Variants in ATRX observed in about 807,000 individuals in gnomAD.
ATRX encodes ATRX chromatin remodeler.
Under a neutral mutation model 172.6 loss-of-function variants are expected in ATRX, and 12 were observed. That is an observed-to-expected ratio of 0.07 (90% CI 0.04 to 0.11). The LOEUF (loss-of-function observed/expected upper bound fraction) is 0.11. Among genes scored for constraint, ATRX ranks in the 10% least tolerant of loss-of-function variants. The probability of loss-of-function intolerance (pLI) is 1.00; values close to 1 mark genes in which losing one functional copy is unlikely to be tolerated. For missense variants in ATRX, 1,368 were observed against 1,767.4 expected, an observed-to-expected ratio of 0.77 and a Z score of 4.05; for synonymous variants, 674 against 594.7, an observed-to-expected ratio of 1.13 and a Z score of -1.94.
intron 30 of ATRX, among the ~76,000 whole-genome samples, chrX:77,527,439 G>A (rs1022109967): frequency 8.9e-6 from 1 of 112,003 alleles, no homozygotes; most frequent in Admixed American, 9.4e-5. Flanking sequence ...TGTGCAACCC[G>A]CTCAGGAAGC....
chrX:77,597,428 T>G, intron 25 of ATRX, among the ~76,000 whole-genome samples: 2 of 108,804 alleles, frequency 1.8e-5, no homozygotes, highest in Middle Eastern at 9.4e-3. Context: ...AAAGAGCTTC[T>G]GCACAGCAAA....
At chrX:77,721,668 G>C (rs1356315326) in intron 1 of ATRX, among the ~76,000 whole-genome samples, 2 of 111,649 alleles carry the variant, frequency 1.8e-5, no homozygotes, top group African/African-American at 6.5e-5. Flanking sequence ...AAGGAAATAA[G>C]AGAGGACTCA....
chrX:77,523,180 A>AC, intron 31 of ATRX, 72 bp downstream of exon 31: 2 of 1,127,549 alleles, frequency 1.8e-6, no homozygotes, highest in Non-Finnish European at 1.2e-6. Context: ...TTCAAATGTG[A>AC]CCCTTTTCTT....
rs2148260096 is a variant in ATRX, at chrX:77,618,926, G to A, written c.5328C>T (p.Phe1776=). The A allele has an allele frequency of 8.4e-7, 1 of 1,188,681 alleles. No homozygotes were observed. Among genetic ancestry groups the A allele is most frequent in the Non-Finnish European group, 1.1e-6 (1 of 875,190 alleles). The change falls in exon 21 of 35, where the codon TTC becomes TTT. Residue 1776 remains phenylalanine, a synonymous_variant. Coordinates refer to ENST00000373344, the MANE Select transcript of ATRX (RefSeq NM_000489.6). ...KENLLGSIKE[F]RNRFINPIQN... is the part of the protein sequence containing the mutation. ...GAATTGGATTTATAAATCTATTCCT[G>A]AACTCCTTAATGGATCCAAGTAAAT... is the stretch of plus-strand genomic sequence containing the variant.
intron 15 of ATRX, among the ~76,000 whole-genome samples, chrX:77,638,505 G>A (rs1453879766): frequency 2.7e-5 from 3 of 112,138 alleles, no homozygotes; most frequent in African/African-American, 9.7e-5. Context: ...CTTAAGGCCA[G>A]TTTTGTTTCA....
At chrX:77,648,420 G>C (rs1405862735) in intron 15 of ATRX, among the ~76,000 whole-genome samples, 5 of 111,091 alleles carry the variant, frequency 4.5e-5, no homozygotes, top group Admixed American at 2.9e-4. Flanking sequence ...GTAAGATGCA[G>C]TGTTTAAACA....
At chrX:77,626,911 T>A (rs1330679591) in intron 19 of ATRX, among the ~76,000 whole-genome samples, 1 of 112,004 alleles carries the variant, frequency 8.9e-6, no homozygotes. Context: ...AGTACGGATA[T>A]CTGAAGAACT....
intron 30 of ATRX, among the ~76,000 whole-genome samples, chrX:77,549,179 G>C (rs2064364056): frequency 9.0e-6 from 1 of 111,499 alleles, no homozygotes; most frequent in Non-Finnish European, 1.9e-5. Flanking sequence ...GAGGCCAGGA[G>C]TTCGAGACCA....
At chrX:77,722,680 G>C (rs2073835511) in intron 1 of ATRX, among the ~76,000 whole-genome samples, 1 of 111,876 alleles carries the variant, frequency 8.9e-6, no homozygotes, top group African/African-American at 3.3e-5. Context: ...ACATTAAAAA[G>C]TCAGGGAACA....
At chrX:77,631,808 T>C (rs1233167222) in intron 19 of ATRX, among the ~76,000 whole-genome samples, 1 of 111,366 alleles carries the variant, frequency 9.0e-6, no homozygotes, top group Non-Finnish European at 1.9e-5. Flanking sequence ...GAAAAACTGG[T>C]GCAATACAAA....
intron 2 of ATRX, among the ~76,000 whole-genome samples, chrX:77,715,513 T>C (rs1557164141): frequency 8.9e-6 from 1 of 112,537 alleles, no homozygotes; most frequent in East Asian, 2.8e-4. Context: ...CACTTTTCTT[T>C]GACATTTTAA....
intron 15 of ATRX, among the ~76,000 whole-genome samples, chrX:77,650,880 G>A (rs955882332): frequency 2.7e-5 from 3 of 111,820 alleles, no homozygotes; most frequent in African/African-American, 9.7e-5. Context: ...GAGCCACCGC[G>A]CCAGGCCCAT....
chrX:77,618,164 G>A (rs1361792815), intron 21 of ATRX, among the ~76,000 whole-genome samples: 1 of 112,079 alleles, frequency 8.9e-6, no homozygotes, highest in Non-Finnish European at 1.9e-5. Flanking sequence ...CAAAAGAATA[G>A]CCTGTCTCAT....
chrX:77,748,643 G>A (rs1557186177), intron 1 of ATRX, among the ~76,000 whole-genome samples: 1 of 109,049 alleles, frequency 9.2e-6, no homozygotes, highest in Non-Finnish European at 1.9e-5. Flanking sequence ...CTGGAGTGCA[G>A]TGGTGTGATC....
rs374596800 is a variant in ATRX, at chrX:77,524,896, C to T, written c.6700-1495G>A. Among the ~76,000 whole-genome samples the T allele has an allele frequency of 4.6e-4, 50 of 109,719 alleles. 2 individuals carry two copies. In the South Asian group the frequency reaches 0.018, roughly 40 times the overall value. ...GAGTAGCTAGGACTACAGGTGCATA[C>T]CACTGTACCTGGCTAATTTTAAAAA... On this transcript the variant is annotated intron_variant, in intron 30 of 34. Coordinates refer to ENST00000373344, the MANE Select transcript of ATRX (RefSeq NM_000489.6).
At position 77,599,535 on chromosome X, in the gene ATRX, A is replaced by T. The variant is rs2066591709; in HGVS notation, c.5832T>A (p.Ser1944Arg). Residue 1944 changes from serine to arginine, a missense_variant, in exon 25 of 35, where the codon AGT becomes AGA. This residue lies in a region of ATRX where 45 missense variants were observed against 120.2 expected (regional missense o/e 0.37). Transcript: ENST00000373344. ...GKKGKKDSSSSGSGSDNDVEV... is the reference protein window; with the variant it reads ...GKKGKKDSSSRGSGSDNDVEV... ...CAACATCATTGTCACTGCCACTTCC[A>T]CTTGAGCTACTATCTTTTTTCCCCT... 1 of 1,210,276 alleles carries T rather than the reference A, an allele frequency of 8.3e-7. No individual in the cohort carries two copies. The highest frequency in any genetic ancestry group is 1.1e-6 in the Non-Finnish European group (1 of 895,078).
rs1327972113 is a variant in ATRX, at chrX:77,682,270, A to G, written c.2986T>C (p.Ser996Pro). ...KKGTEEKKKP[S>P]DFKKKVIKME... ...TTAATTACTTTTTTCTTAAAGTCTG[A>G]AGGTTTCTTTTTTTCTTCAGTTCCC... The change falls in exon 9 of 35, where the codon TCA becomes CCA. Residue 996 changes from serine (S) to proline (P), a missense_variant. This residue lies in a region of ATRX where 843 missense variants were observed against 643.1 expected (regional missense o/e 1.31). Transcript: ENST00000373344. 8.3e-7 allele frequency: 1 copy of G among 1,198,406 alleles called. No individual in the cohort carries two copies. The highest frequency in any genetic ancestry group is 1.8e-5 in the African/African-American group (1 of 56,170).
intron 15 of ATRX, among the ~76,000 whole-genome samples, chrX:77,643,044 C>T (rs1046104786): frequency 2.7e-5 from 3 of 112,000 alleles, no homozygotes; most frequent in African/African-American, 9.8e-5. Flanking sequence ...TGCCCCACCA[C>T]CTACCAGAAG....
At position 77,763,275 on chromosome X, in the gene ATRX, G is replaced by A. The variant is rs139420745; in HGVS notation, c.20+22707C>T. ...GTCTCCTAACTCAGCCTCCCAAGTA[G>A]CTGGGATTACAGGTGCCTGCCACCA... On this transcript the variant is annotated intron_variant, in intron 1 of 34. Transcript: ENST00000373344. 4.8e-3 allele frequency among the ~76,000 whole-genome samples: 519 copies of A among 108,050 alleles called. 2 individuals carry two copies. The highest frequency in any genetic ancestry group is 9.3e-3 in the Middle Eastern group (2 of 214). 93.8% of individuals were successfully genotyped at this position (108,050 alleles called of 115,157 possible). A position where few individuals can be genotyped will look rare whatever the true frequency, so the allele number is the denominator to read the frequency against.
Sources: gnomAD v4.1 joint callset for allele counts (sites outside exome capture counted in the v4.1 genomes callset) on GRCh38, gnomAD v4.1.1 for gene constraint, gnomAD v4.1.1 regional missense constraint, MANE v1.5 for transcripts, NCBI Gene and HGNC (gene_info 2026-07-23, HGNC 2026-07-21) for gene names.